SLC9C1: variants seen among roughly 807,000 people sequenced by gnomAD.
The protein encoded by SLC9C1 is solute carrier family 9 member C1, also known as sodium/hydrogen exchanger 10.
In SLC9C1, 97 loss-of-function variants were observed where a neutral mutation model predicts 140.9. That is an observed-to-expected ratio of 0.69 (90% confidence interval 0.58 to 0.82). SLC9C1 has a LOEUF of 0.82. SLC9C1 is among the 40% of genes least tolerant of loss of function. SLC9C1 has a pLI of 0.00. For missense variants in SLC9C1, 1,340 were observed against 1,389.3 expected, an observed-to-expected ratio of 0.96 and a Z score of 0.56; for synonymous variants, 440 against 442.6, an observed-to-expected ratio of 0.99 and a Z score of 0.07.
intron 23 of SLC9C1, among the ~76,000 whole-genome samples, chr3:112,177,260 A>G (rs887853811): frequency 6.6e-6 from 1 of 151,266 alleles, no homozygotes; most frequent in African/African-American, 2.4e-5. Context: ...ACCAGCCTCA[A>G]CCTACCAAAG....
chr3:112,215,066 A>G (rs1339171414), intron 15 of SLC9C1, among the ~76,000 whole-genome samples: 1 of 152,224 alleles, frequency 6.6e-6, no homozygotes, highest in Non-Finnish European at 1.5e-5. Flanking sequence ...TACACAAATC[A>G]ATAAATGTAA....
At chr3:112,271,393 G>GTGTGTATATATATATATA (rs142798462) in intron 6 of SLC9C1, among the ~76,000 whole-genome samples, 1 of 125,574 alleles carries the variant, frequency 8.0e-6, no homozygotes, top group African/African-American at 2.7e-5. Flanking sequence ...ATTCTACATT[G>GTGTGTATATATATATATA]TATATATATA....
chr3:112,239,954 T>C lies in SLC9C1; in HGVS notation c.1332A>G (p.Gln444=). 2 of 1,613,862 alleles carry C rather than the reference T, an allele frequency of 1.2e-6. No individual in the cohort carries two copies. Among genetic ancestry groups the C allele is most frequent in the Non-Finnish European group, 1.7e-6 (2 of 1,179,914 alleles). ...CAGACTTGGTTAGCTCTTGAAAGTG[T>C]TGAAATGTGCAACAAACCGATTTAT... is the stretch of plus-strand genomic sequence containing the variant. ...TKYKSVCCTF[Q]HFQELTKSAA... Residue 444 remains glutamine, a synonymous_variant, in exon 12 of 29, where the codon CAA becomes CAG. Coordinates refer to ENST00000305815, the MANE Select transcript of SLC9C1 (RefSeq NM_183061.3).
chr3:112,159,433 A>G (rs931194144), intron 26 of SLC9C1, among the ~76,000 whole-genome samples: 2 of 152,020 alleles, frequency 1.3e-5, no homozygotes, highest in Non-Finnish European at 2.9e-5. Context: ...GATATTTGAT[A>G]TAGTTTTGAC....
Position 112,277,690 on chromosome 3 carries a change from C to T in SLC9C1, c.484+5G>A, listed in dbSNP as rs377456569. 3 of 1,547,658 alleles carry T rather than the reference C, an allele frequency of 1.9e-6. No individual in the cohort carries two copies. The highest frequency in any genetic ancestry group is 2.6e-5 in the South Asian group (2 of 78,180). Reference sequence around the variant, plus strand: ...AAATATAGAAAAAGAGAACAATATACCTACCAAGGTCTCTTATAGCAGCTG... The same window carrying T: ...AAATATAGAAAAAGAGAACAATATATCTACCAAGGTCTCTTATAGCAGCTG... On this transcript the variant is annotated splice_donor_5th_base_variant and intron_variant, in intron 5 of 28. Transcript: ENST00000305815.
At chr3:112,280,291 G>C (rs1344632579) in intron 3 of SLC9C1, among the ~76,000 whole-genome samples, 1 of 152,178 alleles carries the variant, frequency 6.6e-6, no homozygotes, top group Non-Finnish European at 1.5e-5. Context: ...TGAGGAAATA[G>C]ATTAGTTCAA....
rs1243214223 is a variant in SLC9C1 at position 112,179,695 on chromosome 3, T to C, written c.2755A>G (p.Lys919Glu). Reference sequence around the variant, plus strand: ...TCAATCCCTAAACCTGGCTTTGATTTTTCAAGCTGTTCAGGAACAAAGAAA... The same window carrying C: ...TCAATCCCTAAACCTGGCTTTGATTCTTCAAGCTGTTCAGGAACAAAGAAA... ...IIISGMVKLE[K>E]SKPGLGIDQM... The change falls in exon 23 of 29, where the codon AAA becomes GAA. Residue 919 changes from lysine to glutamate, a missense_variant. Coordinates refer to ENST00000305815, the MANE Select transcript of SLC9C1 (RefSeq NM_183061.3). 1 of 1,599,064 alleles carries C rather than the reference T, an allele frequency of 6.3e-7. No individual in the cohort carries two copies. The highest frequency in any genetic ancestry group is 8.5e-7 in the Non-Finnish European group (1 of 1,175,652).
intron 20 of SLC9C1, among the ~76,000 whole-genome samples, chr3:112,184,609 C>T (rs2077498491): frequency 6.6e-6 from 1 of 152,210 alleles, no homozygotes; most frequent in African/African-American, 2.4e-5. Flanking sequence ...GCATTCCAGC[C>T]TGGGCGACAG....
At chr3:112,190,102 GAAGCTGCTTATCAGC>G (rs2077622997) in intron 20 of SLC9C1, among the ~76,000 whole-genome samples, 3 of 152,164 alleles carry the variant, frequency 2.0e-5, no homozygotes, top group Admixed American at 6.5e-5. Flanking sequence ...AGACTTTGCT[GAAGCTGCTTATCAGC>G]TTAAGGAGAT....
At chr3:112,200,903 G>A (rs1576326452) in intron 18 of SLC9C1, 141 bp from the exon 19 acceptor site, 1 of 711,990 alleles carries the variant, frequency 1.4e-6, no homozygotes. Context: ...GGTTCGAATT[G>A]AATTTTGTGC....
At chr3:112,270,740 T>G (rs1287964864) in intron 6 of SLC9C1, among the ~76,000 whole-genome samples, 1 of 151,992 alleles carries the variant, frequency 6.6e-6, no homozygotes, top group East Asian at 1.9e-4. Context: ...AGCTTGAATC[T>G]GGGAGGCAGA....
intron 1 of SLC9C1, among the ~76,000 whole-genome samples, chr3:112,291,436 GC>G (rs1178296098): frequency 6.6e-6 from 1 of 151,662 alleles, no homozygotes; most frequent in Admixed American, 6.6e-5. Flanking sequence ...AAAACAACCA[GC>G]CCCATTAAAA....
intron 20 of SLC9C1, among the ~76,000 whole-genome samples, chr3:112,187,142 T>G (rs1482254096): frequency 1.3e-5 from 2 of 152,206 alleles, no homozygotes; most frequent in Non-Finnish European, 2.9e-5. Context: ...ATCTCCAGAC[T>G]TACTAGCTAT....
intron 3 of SLC9C1, among the ~76,000 whole-genome samples, 168 bp downstream of exon 3, chr3:112,280,515 G>A (rs1045257061): frequency 6.6e-6 from 1 of 152,086 alleles, no homozygotes; most frequent in Non-Finnish European, 1.5e-5. Context: ...GCTTTTGCAG[G>A]CCTGGCTCCT....
At chr3:112,148,261 T>C (rs1041182398) in intron 28 of SLC9C1, among the ~76,000 whole-genome samples, 3 of 152,162 alleles carry the variant, frequency 2.0e-5, no homozygotes, top group Non-Finnish European at 4.4e-5. Context: ...TCTGTATCTC[T>C]GAGTTTACAT....
At chr3:112,282,961 A>G (rs539265852) in intron 2 of SLC9C1, among the ~76,000 whole-genome samples, 2 of 152,206 alleles carry the variant, frequency 1.3e-5, no homozygotes, top group Non-Finnish European at 2.9e-5. Flanking sequence ...AATTGATACA[A>G]ATTTTGTTTA....
Position 112,264,363 on chromosome 3 carries a change from T to A in SLC9C1, c.879-20A>T. On this transcript the variant is annotated intron_variant, in intron 8 of 28. Transcript: ENST00000305815. ...CAGAATCTGCATCATTCAGAAAAAA[T>A]TAAAAATATTTATAATTAATTAATT... is the stretch of plus-strand genomic sequence containing the variant. 1 of 1,294,428 alleles carries A rather than the reference T, an allele frequency of 7.7e-7. No homozygotes were observed. Among genetic ancestry groups the A allele is most frequent in the Non-Finnish European group, 1.0e-6 (1 of 990,238 alleles). The allele number at this position is 1,294,428 out of a possible 1,614,324, so 80.2% of individuals were successfully genotyped here.
chr3:112,244,631 C>G (rs74653794), intron 10 of SLC9C1, among the ~76,000 whole-genome samples: 2,623 of 152,296 alleles, frequency 0.017, 36 homozygotes, highest in Middle Eastern at 0.058. Flanking sequence ...CACTTGATAT[C>G]TTTATCTACT....
chr3:112,162,032 C>A (rs201548319), intron 26 of SLC9C1, among the ~76,000 whole-genome samples: 17 of 152,114 alleles, frequency 1.1e-4, no homozygotes, highest in African/African-American at 2.4e-4. Context: ...CTTTGAAGCA[C>A]TTGTGAATGG....
Sources: gnomAD v4.1 joint callset for allele counts (sites outside exome capture counted in the v4.1 genomes callset) on GRCh38, gnomAD v4.1.1 for gene constraint, MANE v1.5 for transcripts, NCBI Gene and HGNC (gene_info 2026-07-23, HGNC 2026-07-21) for gene names.